Variants in CTBP1 observed in about 807,000 individuals in gnomAD.
The protein encoded by CTBP1 is C-terminal binding protein 1.
A neutral mutation model predicts 42.1 loss-of-function variants in CTBP1; 11 were observed. That is an observed-to-expected ratio of 0.26 (90% CI 0.16 to 0.43). The LOEUF is 0.43. Among genes scored for constraint, CTBP1 ranks in the 20% least tolerant of loss-of-function variants. The pLI is 1.00. For synonymous variants in CTBP1, 324 were observed against 277.1 expected (o/e 1.17, Z -1.68); for missense variants, 399 against 624.3 (o/e 0.64, Z 3.85).
intron 3 of CTBP1, chr4:1,236,454 C>A (rs1017408341): frequency 1.7e-6 from 1 of 578,558 alleles, no homozygotes; most frequent in Non-Finnish European, 3.1e-6. Flanking sequence ...ACTCCACCCC[C>A]GCCACAAAAG....
chr4:1,211,772 C>T lies in CTBP1; in HGVS notation c.*468G>A, dbSNP rs1728563806. 6.6e-6 allele frequency: 1 copy of T among 151,532 alleles called. No individual in the cohort carries two copies. The highest frequency in any genetic ancestry group is 6.6e-5 in the Admixed American group (1 of 15,072). The allele number at this position is 151,532 out of a possible 1,614,324, so 9.4% of individuals were successfully genotyped here. On this transcript the variant is annotated 3_prime_UTR_variant, in exon 10 of 10. Coordinates refer to ENST00000382952, the MANE Select transcript of CTBP1 (RefSeq NM_001012614.2). The stretch of plus-strand genomic sequence containing the variant: ...AAATAAGACAAGCAGGTAGAAAAAA[C>T]AATGCACTGTGTGGCATAAAAAGAA...
chr4:1,234,264 G>C (rs1208889210), intron 3 of CTBP1, among the ~76,000 whole-genome samples: 1 of 152,210 alleles, frequency 6.6e-6, no homozygotes, highest in African/African-American at 2.4e-5. Context: ...CTGTGTCTTT[G>C]AGCTTCCTGT....
Position 1,213,926 on chromosome 4 carries a change from G to A in CTBP1, c.861-321C>T, listed in dbSNP as rs566630343. ...TCTGTAGCCCCAGGAGCTGCAGGCTGATACTGCCCCTGTGGGGGTGTCTCC... is the reference window on the plus strand; with the variant it reads ...TCTGTAGCCCCAGGAGCTGCAGGCTAATACTGCCCCTGTGGGGGTGTCTCC... On this transcript the variant is annotated intron_variant, in intron 7 of 9. Coordinates refer to ENST00000382952, the MANE Select transcript of CTBP1 (RefSeq NM_001012614.2). 1.3e-3 allele frequency: 571 copies of A among 425,574 alleles called. 2 individuals carry two copies. Among genetic ancestry groups the A allele is most frequent in the Middle Eastern group, 3.6e-3 (6 of 1,652 alleles). 26.4% of individuals were successfully genotyped at this position (425,574 alleles called of 1,614,324 possible).
rs79165262 is a variant in CTBP1, at chr4:1,222,420, C to T, written c.514+2940G>A. 6.0e-3 allele frequency among the ~76,000 whole-genome samples: 921 copies of T among 152,232 alleles called. 11 individuals are homozygous for T. The highest frequency in any genetic ancestry group is 0.019 in the African/African-American group (809 of 41,552). On this transcript the variant is annotated intron_variant, in intron 5 of 9. Transcript: ENST00000382952. ...TCACCACAGACAGAGGGGCCCGCGC[C>T]GAGAGCGAGGGAAGCAGCTGCCCCC...
At chr4:1,219,901 T>G (rs573423405) in intron 5 of CTBP1, among the ~76,000 whole-genome samples, 1 of 152,202 alleles carries the variant, frequency 6.6e-6, no homozygotes, top group Non-Finnish European at 1.5e-5. Flanking sequence ...TACCTACTAA[T>G]AACCAACTGT....
intron 4 of CTBP1, 98 bp downstream of exon 4, chr4:1,228,101 A>T: frequency 6.6e-7 from 1 of 1,509,652 alleles, no homozygotes; most frequent in South Asian, 1.3e-5. Context: ...GCAATGTGCA[A>T]CGGGGTCCTC....
Position 1,225,391 on chromosome 4 carries a change from G to T in CTBP1, c.483C>A (p.Ile161=), listed in dbSNP as rs765831710. The change falls in exon 5 of 10, where the codon ATC becomes ATA. Residue 161 remains isoleucine (I), a synonymous_variant. Coordinates refer to ENST00000382952, the MANE Select transcript of CTBP1 (RefSeq NM_001012614.2). ...IREVASGAAR[I]RGETLGIIGL... Reference sequence around the variant, plus strand: ...CGATGATGCCCAAGGTCTCCCCGCGGATCCTGGCAGCGCCGGACGCCACCT... The same window carrying T: ...CGATGATGCCCAAGGTCTCCCCGCGTATCCTGGCAGCGCCGGACGCCACCT... The T allele has an allele frequency of 2.6e-6, 4 of 1,566,896 alleles. No individual in the cohort carries two copies. The highest frequency in any genetic ancestry group is 1.7e-6 in the Non-Finnish European group (2 of 1,161,060).
chr4:1,249,022 T>TGGGGCGGCCTCG lies in CTBP1; in HGVS notation c.-307_-296dup. Reference sequence around the variant, plus strand: ...GCTGCGCCGCCGCGAGCCCGGCGCGTGGGGCGGCCTCGGCGCCGTCCGCTG... The same window carrying TGGGGCGGCCTCG: ...GCTGCGCCGCCGCGAGCCCGGCGCGTGGGGCGGCCTCGGGGGCGGCCTCGGCGCCGTCCGCTG... On this transcript the variant is annotated 5_prime_UTR_variant, in exon 1 of 10. Coordinates refer to ENST00000382952, the MANE Select transcript of CTBP1 (RefSeq NM_001012614.2). 4 of 790,516 alleles carry TGGGGCGGCCTCG rather than the reference T, an allele frequency of 5.1e-6. No homozygotes were observed. The highest frequency in any genetic ancestry group is 6.1e-6 in the Non-Finnish European group (4 of 656,540). The allele number at this position is 790,516 out of a possible 1,614,324, so 49.0% of individuals were successfully genotyped here. A position where few individuals can be genotyped will look rare whatever the true frequency, so the allele number is the denominator to read the frequency against.
At position 1,238,118 on chromosome 4, in the gene CTBP1, C is replaced by T. The variant is rs1342687752; in HGVS notation, c.162+65G>A. The T allele has an allele frequency of 1.9e-6, 3 of 1,605,306 alleles. No homozygotes were observed. The highest frequency in any genetic ancestry group is 8.5e-7 in the Non-Finnish European group (1 of 1,174,628). On this transcript the variant is annotated intron_variant, in intron 3 of 9. Transcript: ENST00000382952. This position sits in a 1 kb window ranked among gnomAD's most constrained non-coding sequence, Gnocchi z 5.9. ...CCTGCTGTGGCCCGGGCCTGCCGTG[C>T]TCCCGTCCCTCCAACTCCCCCCAAC...
rs1181291916 is a variant in CTBP1 at position 1,241,510 on chromosome 4, C to T, written c.-179G>A. Reference sequence around the variant, plus strand: ...CAATCACTGAAGCCTGCGTCGGGGTCAAAGTCTTACTAAAAATCAAACACA... The same window carrying T: ...CAATCACTGAAGCCTGCGTCGGGGTTAAAGTCTTACTAAAAATCAAACACA... On this transcript the variant is annotated 5_prime_UTR_variant, in exon 2 of 10. It removes the in-frame stop codon of an upstream open reading frame in the 5' UTR. Coordinates refer to ENST00000382952, the MANE Select transcript of CTBP1 (RefSeq NM_001012614.2). 1.3e-6 allele frequency: 2 copies of T among 1,596,644 alleles called. No individual in the cohort carries two copies. The highest frequency in any genetic ancestry group is 1.7e-6 in the Non-Finnish European group (2 of 1,177,080).
chr4:1,213,427 G>C (rs1728753618), intron 8 of CTBP1, 51 bp downstream of exon 8: 2 of 1,599,494 alleles, frequency 1.3e-6, no homozygotes, highest in Middle Eastern at 1.9e-4. Flanking sequence ...TGAGCATCTG[G>C]GGCTGGCAGG....
At chr4:1,249,516 C>T (rs1013860046), upstream of CTBP1, 1 of 125,298 alleles carries the variant, frequency 8.0e-6, no homozygotes, top group African/African-American at 2.9e-5. Context: ...CGCCCCGCTC[C>T]CTTCCCGCTC....
chr4:1,242,652 G>A (rs919578209), intron 1 of CTBP1: 122 of 985,342 alleles, frequency 1.2e-4, no homozygotes, highest in Non-Finnish European at 1.5e-4. Flanking sequence ...CCTCATGGCA[G>A]GTGCTGTGTG....
At chr4:1,220,289 C>CAA (rs796075205) in intron 5 of CTBP1, among the ~76,000 whole-genome samples, 4 of 114,474 alleles carry the variant, frequency 3.5e-5, no homozygotes, top group Non-Finnish European at 7.5e-5. Flanking sequence ...AGACTGTCTC[C>CAA]AAAAAAAAAA....
intron 1 of CTBP1, among the ~76,000 whole-genome samples, chr4:1,247,766 GA>G (rs1360559173): frequency 2.7e-4 from 32 of 117,010 alleles, no homozygotes; most frequent in African/African-American, 6.5e-4. Context: ...AGAGGCCGGG[GA>G]GGGGGGGGGG....
Position 1,228,712 on chromosome 4 carries a change from G to C in CTBP1, c.163-369C>G, listed in dbSNP as rs548030918. On this transcript the variant is annotated intron_variant, in intron 3 of 9. Coordinates refer to ENST00000382952, the MANE Select transcript of CTBP1 (RefSeq NM_001012614.2). ...AAGAAACGGGGTCCCGCCTGGCGAG[G>C]ACACAGGAGGGGGGGTGCGGCCACA... 1.6e-4 allele frequency among the ~76,000 whole-genome samples: 10 copies of C among 64,154 alleles called. No individual in the cohort carries two copies. In the South Asian group the frequency reaches 4.5e-3, roughly 29 times the overall value. The allele number at this position is 64,154 out of a possible 152,430, so 42.1% of individuals were successfully genotyped here.
chr4:1,238,440 CG>C lies in CTBP1; in HGVS notation c.8-104del. 1 of 1,364,956 alleles carries C rather than the reference CG, an allele frequency of 7.3e-7. No individual in the cohort carries two copies. Among genetic ancestry groups the C allele is most frequent in the Non-Finnish European group, 9.8e-7 (1 of 1,023,042 alleles). 84.6% of individuals were successfully genotyped at this position (1,364,956 alleles called of 1,614,324 possible). A position where few individuals can be genotyped will look rare whatever the true frequency, so the allele number is the denominator to read the frequency against. On this transcript the variant is annotated intron_variant, in intron 2 of 9. Coordinates refer to ENST00000382952, the MANE Select transcript of CTBP1 (RefSeq NM_001012614.2). The surrounding 1 kb of genome is among the most constrained non-coding windows in gnomAD (Gnocchi z 5.9). The stretch of plus-strand genomic sequence containing the variant: ...GCACGGGCCAACGAGGGCCGACCGC[CG>C]GGGGTTTTCTGGTCTATATGTTGTG...
chr4:1,220,759 A>G (rs1729647223), intron 5 of CTBP1, among the ~76,000 whole-genome samples: 1 of 152,278 alleles, frequency 6.6e-6, no homozygotes, highest in South Asian at 2.1e-4. Context: ...TCCTCGGCGC[A>G]TCGTGCCGCA....
intron 5 of CTBP1, among the ~76,000 whole-genome samples, chr4:1,222,008 G>C (rs1431756947): frequency 6.6e-6 from 1 of 152,208 alleles, no homozygotes; most frequent in Non-Finnish European, 1.5e-5. Context: ...ACGCTGCCCA[G>C]GGCTTCCACA....
Sources: allele counts gnomAD v4.1 joint callset (sites outside exome capture counted in the v4.1 genomes callset), GRCh38; gene constraint gnomAD v4.1.1; non-coding constraint Gnocchi (gnomAD v3.1); transcripts MANE v1.5; gene names NCBI Gene and HGNC (gene_info 2026-07-23, HGNC 2026-07-21).